The following FAM149B1 variants were observed in gnomAD, a reference collection of about 807,000 sequenced individuals.
FAM149B1 encodes the protein primary cilium assembly protein FAM149B1.
In FAM149B1, 56 loss-of-function variants were observed where a neutral mutation model predicts 75.3. That is an observed-to-expected ratio of 0.74 (90% CI 0.60 to 0.93). The LOEUF is 0.93. FAM149B1 is among the 40% of genes least tolerant of loss of function. The pLI, the probability that FAM149B1 is intolerant of heterozygous loss-of-function variation, is 0.00. For synonymous variants in FAM149B1, 259 were observed against 256.1 expected (o/e 1.01, Z -0.11); for missense variants, 639 against 708.4 (o/e 0.90, Z 1.11).
At chr10:73,240,338 T>G (rs1223019885) in intron 13 of FAM149B1, among the ~76,000 whole-genome samples, 3 of 152,226 alleles carry the variant, frequency 2.0e-5, no homozygotes, top group Non-Finnish European at 4.4e-5. Flanking sequence ...CCCCGCAGCA[T>G]TGTCTGGTAG....
intron 3 of FAM149B1, among the ~76,000 whole-genome samples, chr10:73,178,581 T>G (rs1844074948): frequency 6.6e-6 from 1 of 152,226 alleles, no homozygotes; most frequent in African/African-American, 2.4e-5. Context: ...CAGTAATGTA[T>G]GTCTTTACCA....
Position 73,230,454 on chromosome 10 carries a change from A to G in FAM149B1, c.1056A>G (p.Pro352=). The change falls in exon 9 of 14, where the codon CCA becomes CCG. Residue 352 remains proline (P), a synonymous_variant. Transcript: ENST00000242505. ...TCTGTCAAGCAAGCAGACATCAGCCAAATGTGAATGATCTCTTGGTTCATG... is the reference window on the plus strand; with the variant it reads ...TCTGTCAAGCAAGCAGACATCAGCCGAATGTGAATGATCTCTTGGTTCATG... ...MSLCQASRHQ[P]NVNDLLVHGM... is the part of the protein sequence containing the mutation. 1.3e-6 allele frequency: 2 copies of G among 1,549,978 alleles called. No individual in the cohort carries two copies.
chr10:73,207,540 G>A (rs149733043), intron 5 of FAM149B1, among the ~76,000 whole-genome samples: 82 of 151,880 alleles, frequency 5.4e-4, no homozygotes, highest in African/African-American at 2.0e-3. Context: ...CTCCAGCCTG[G>A]GCGACAGAAC....
chr10:73,219,340 T>G (rs1481931179), intron 7 of FAM149B1, among the ~76,000 whole-genome samples: 1 of 152,158 alleles, frequency 6.6e-6, no homozygotes, highest in African/African-American at 2.4e-5. Context: ...CCCAAATAGA[T>G]CTACAGTTTC....
chr10:73,234,836 C>T lies in FAM149B1; in HGVS notation c.1372C>T (p.Leu458Phe). The T allele has an allele frequency of 6.4e-7, 1 of 1,551,644 alleles. No individual in the cohort carries two copies. The highest frequency in any genetic ancestry group is 8.7e-7 in the Non-Finnish European group (1 of 1,146,998). ...GARVPVAPDS[L>F]SSPSPTPLSR... ...CTGCAGCCCAGTGGCACCCGACTCG[C>T]TCTCCTCTCCCTCACCGACGCCCCT... The change falls in exon 11 of 14, where the codon CTC becomes TTC. Residue 458 changes from leucine to phenylalanine, a missense_variant. Leu to Phe is a conservative substitution (Grantham distance 22, BLOSUM62 0). Coordinates refer to ENST00000242505, the MANE Select transcript of FAM149B1 (RefSeq NM_173348.2).
chr10:73,226,249 A>G (rs1465736562), intron 7 of FAM149B1, among the ~76,000 whole-genome samples: 1 of 152,122 alleles, frequency 6.6e-6, no homozygotes, highest in African/African-American at 2.4e-5. Context: ...GTTCACACCT[A>G]TAATCCCAGC....
At position 73,243,588 on chromosome 10, in the gene FAM149B1, A is replaced by C. The variant is rs1218812068; in HGVS notation, c.*2569A>C. ...AGACAGAAAGTACCTAGTGGTTGCC[A>C]GGGGCTGGAAAAGTGGAATAACTAC... is the stretch of plus-strand genomic sequence containing the variant. On this transcript the variant is annotated 3_prime_UTR_variant, in exon 14 of 14. Coordinates refer to ENST00000242505, the MANE Select transcript of FAM149B1 (RefSeq NM_173348.2). 6.9e-6 allele frequency: 11 copies of C among 1,589,836 alleles called. No individual in the cohort carries two copies. Among genetic ancestry groups the C allele is most frequent in the Non-Finnish European group, 9.4e-6 (11 of 1,167,956 alleles).
chr10:73,194,207 A>G (rs1351917012), intron 5 of FAM149B1, among the ~76,000 whole-genome samples: 1 of 152,052 alleles, frequency 6.6e-6, no homozygotes, highest in Non-Finnish European at 1.5e-5. Context: ...AAACCATATA[A>G]TAGTGCTTAA....
intron 10 of FAM149B1, among the ~76,000 whole-genome samples, chr10:73,233,919 G>A (rs563888215): frequency 6.6e-6 from 1 of 152,290 alleles, no homozygotes; most frequent in Non-Finnish European, 1.5e-5. Flanking sequence ...CAGATAAGTA[G>A]TTGCTTACAT....
In FAM149B1 at chr10:73,170,975, A is replaced by AT. The variant is rs199626934; in HGVS notation, c.47+2603dup. On this transcript the variant is annotated intron_variant, in intron 1 of 13. Transcript: ENST00000242505. ...GTATAGTTGTATCAGTTTTCTTTCT[A>AT]TTTTTTTTTTTTTTGAGACGGAGTC... 3.8e-3 allele frequency among the ~76,000 whole-genome samples: 549 copies of AT among 144,558 alleles called. 4 individuals carry two copies. The highest frequency in any genetic ancestry group is 0.018 in the Middle Eastern group (5 of 274). The allele number at this position is 144,558 out of a possible 152,430, so 94.8% of individuals were successfully genotyped here. A position where few individuals can be genotyped will look rare whatever the true frequency, so the allele number is the denominator to read the frequency against.
At chr10:73,192,056 C>T (rs570135469) in intron 3 of FAM149B1, among the ~76,000 whole-genome samples, 5 of 152,064 alleles carry the variant, frequency 3.3e-5, no homozygotes, top group Admixed American at 6.6e-5. Context: ...TGTACTACCA[C>T]GCCTGGCTAA....
chr10:73,234,502 G>C (rs2043778826), intron 10 of FAM149B1: 1 of 278,086 alleles, frequency 3.6e-6, no homozygotes, highest in African/African-American at 2.2e-5. Flanking sequence ...CATCAGCTGG[G>C]AATTTACAAA....
intron 7 of FAM149B1, among the ~76,000 whole-genome samples, chr10:73,213,834 ATTTT>A (rs997631911): frequency 6.6e-5 from 10 of 151,520 alleles, no homozygotes; most frequent in African/African-American, 2.4e-4. Flanking sequence ...GAATTTTAGG[ATTTT>A]TTTTCTAATT....
chr10:73,210,527 C>G, intron 7 of FAM149B1, 89 bp downstream of exon 7: 1 of 944,018 alleles, frequency 1.1e-6, no homozygotes. Context: ...CTTCTTAGTG[C>G]AAAAGGTGCG....
Position 73,243,380 on chromosome 10 carries a change from C to T in FAM149B1, c.*2361C>T, listed in dbSNP as rs1225426542. 1 of 1,612,230 alleles carries T rather than the reference C, an allele frequency of 6.2e-7. No individual in the cohort carries two copies. Among genetic ancestry groups the T allele is most frequent in the East Asian group, 2.2e-5 (1 of 44,886 alleles). ...ATGGCATCAATTTACACCTAAGGAC[C>T]TTTGAAGAGAAAAATTCCATTATTT... On this transcript the variant is annotated 3_prime_UTR_variant, in exon 14 of 14. Transcript: ENST00000242505.
chr10:73,184,489 TCC>T (rs1419521651), intron 3 of FAM149B1, among the ~76,000 whole-genome samples: 1 of 151,904 alleles, frequency 6.6e-6, no homozygotes, highest in African/African-American at 2.4e-5. Context: ...CTAACTGACA[TCC>T]CACCCAGTGA....
At chr10:73,191,628 T>C (rs2042687529) in intron 3 of FAM149B1, among the ~76,000 whole-genome samples, 1 of 152,000 alleles carries the variant, frequency 6.6e-6, no homozygotes, top group Non-Finnish European at 1.5e-5. Flanking sequence ...TGTGAGCCAC[T>C]GTGCCTGGCC....
Position 73,188,583 on chromosome 10 carries a change from G to A in FAM149B1, c.283-3973G>A, listed in dbSNP as rs552083609. On this transcript the variant is annotated intron_variant, in intron 3 of 13. Transcript: ENST00000242505. ...TAAAAATACAAAAAATTAGCCAGGC[G>A]TGGTGGCAGGCACCTGTAATCCCAG... 5.3e-5 allele frequency among the ~76,000 whole-genome samples: 8 copies of A among 152,164 alleles called. No homozygotes were observed. The South Asian group carries it at 6.2e-4, about 12-fold the overall frequency.
intron 7 of FAM149B1, among the ~76,000 whole-genome samples, chr10:73,221,946 T>C (rs1420425771): frequency 6.6e-6 from 1 of 152,216 alleles, no homozygotes; most frequent in African/African-American, 2.4e-5. Flanking sequence ...ATGTGAGATA[T>C]TGTCATTTTC....
Sources: gnomAD v4.1 joint callset for allele counts (sites outside exome capture counted in the v4.1 genomes callset) on GRCh38, gnomAD v4.1.1 for gene constraint, MANE v1.5 for transcripts, NCBI Gene and HGNC (gene_info 2026-07-23, HGNC 2026-07-21) for gene names.